LUC7L: variants seen among roughly 807,000 people sequenced by gnomAD.
LUC7L encodes putative RNA-binding protein Luc7-like 1.
A neutral mutation model predicts 51.1 loss-of-function variants in LUC7L; 29 were observed. The ratio of observed to expected loss-of-function variants is 0.57; its 90% CI spans 0.42 to 0.77. The LOEUF is 0.77. Ranked by LOEUF, LUC7L falls within the 30% of genes least tolerant of loss-of-function variation. LUC7L has a pLI of 0.00. For missense variants in LUC7L, 403 were observed against 511.9 expected (o/e 0.79, Z 2.05); for synonymous variants, 181 against 180.7 (o/e 1.00, Z -0.01).
intron 4 of LUC7L, 66 bp downstream of exon 4, chr16:208,012 A>T (rs2049532110): frequency 8.5e-7 from 1 of 1,179,346 alleles, no homozygotes; most frequent in South Asian, 1.4e-5. Flanking sequence ...CCATCTCAAA[A>T]AAAAAAGCTA....
intron 4 of LUC7L, among the ~76,000 whole-genome samples, chr16:206,941 T>C (rs1171033310): frequency 1.4e-5 from 2 of 147,864 alleles, no homozygotes; most frequent in Non-Finnish European, 3.0e-5. Flanking sequence ...GGCTCATGCC[T>C]GTAATCCCAG....
At chr16:222,386 C>T (rs1229024052) in intron 2 of LUC7L, among the ~76,000 whole-genome samples, 4 of 151,452 alleles carry the variant, frequency 2.6e-5, no homozygotes. Context: ...TCTGTAATCC[C>T]AACACCTTTG....
At chr16:212,749 C>T (rs1411016384) in intron 3 of LUC7L, among the ~76,000 whole-genome samples, 2 of 152,006 alleles carry the variant, frequency 1.3e-5, no homozygotes, top group South Asian at 2.1e-4. Context: ...ACATTCATTA[C>T]ATTTTCAACA....
At chr16:227,917 C>A in intron 1 of LUC7L, 1 of 1,003,788 alleles carries the variant, frequency 1.0e-6, no homozygotes, top group Non-Finnish European at 1.2e-6. Flanking sequence ...TTTAACAAGA[C>A]AATACCAAAA....
intron 3 of LUC7L, chr16:220,440 T>A (rs572703591): frequency 8.2e-6 from 4 of 485,850 alleles, no homozygotes; most frequent in Admixed American, 7.6e-5. Flanking sequence ...CAAAATGAGA[T>A]AACACATATT....
At chr16:217,208 C>T (rs894147589) in intron 3 of LUC7L, among the ~76,000 whole-genome samples, 20 of 151,760 alleles carry the variant, frequency 1.3e-4, no homozygotes, top group African/African-American at 4.4e-4. Context: ...GAAGAGGCAG[C>T]GTTTCACCAT....
At chr16:196,244 C>A (rs746870212) in intron 6 of LUC7L, among the ~76,000 whole-genome samples, 1 of 151,982 alleles carries the variant, frequency 6.6e-6, no homozygotes, top group Non-Finnish European at 1.5e-5. Flanking sequence ...CCCATCTCTA[C>A]TAAAAACACA....
intron 2 of LUC7L, among the ~76,000 whole-genome samples, chr16:222,392 C>T (rs898918690): frequency 6.6e-6 from 1 of 151,520 alleles, no homozygotes; most frequent in African/African-American, 2.4e-5. Flanking sequence ...ATCCCAACAC[C>T]TTTGGGAGGG....
At chr16:205,714 G>A (rs1337193898) in intron 5 of LUC7L, among the ~76,000 whole-genome samples, 4 of 152,194 alleles carry the variant, frequency 2.6e-5, no homozygotes, top group South Asian at 2.1e-4. Flanking sequence ...CTCAGCCTCC[G>A]GAGCAGCTGG....
At chr16:195,951 G>A (rs1484219181) in intron 6 of LUC7L, among the ~76,000 whole-genome samples, 3 of 152,142 alleles carry the variant, frequency 2.0e-5, no homozygotes, top group South Asian at 2.1e-4. Context: ...TCTGTAATAC[G>A]AGTTGTGTTG....
chr16:221,919 G>A (rs1392364311), intron 2 of LUC7L, among the ~76,000 whole-genome samples: 1 of 152,146 alleles, frequency 6.6e-6, no homozygotes, highest in East Asian at 1.9e-4. Context: ...GGGAATAAAG[G>A]AGAACAGGCT....
At chr16:189,678 G>A (rs1392088701) in intron 9 of LUC7L, 2 of 1,334,608 alleles carry the variant, frequency 1.5e-6, no homozygotes, top group Non-Finnish European at 1.9e-6. Context: ...GGTAAGCAGG[G>A]CCTGGTCAGG....
At chr16:206,204 G>A in intron 4 of LUC7L, 57 bp from the exon 5 acceptor site, 1 of 1,541,536 alleles carries the variant, frequency 6.5e-7, no homozygotes, top group Non-Finnish European at 8.9e-7. Context: ...GAATGCAAAG[G>A]CAACAAGGGT....
At chr16:192,425 T>C (rs531826644) in intron 7 of LUC7L, among the ~76,000 whole-genome samples, 8 of 151,912 alleles carry the variant, frequency 5.3e-5, no homozygotes, top group Non-Finnish European at 1.2e-4. Flanking sequence ...TTGGATCCCT[T>C]ACCTGACTGC....
intron 2 of LUC7L, among the ~76,000 whole-genome samples, chr16:221,413 C>T (rs995522527): frequency 1.3e-5 from 2 of 151,782 alleles, no homozygotes; most frequent in African/African-American, 2.4e-5. Flanking sequence ...GGATAGGAAA[C>T]GGCCAGGGCT....
At chr16:203,850 A>ATGGTG in intron 5 of LUC7L, among the ~76,000 whole-genome samples, 1 of 151,964 alleles carries the variant, frequency 6.6e-6, no homozygotes, top group Admixed American at 6.6e-5. Flanking sequence ...TCATATCTCT[A>ATGGTG]CTAAAAACAC....
At chr16:206,998 G>C (rs894818300) in intron 4 of LUC7L, among the ~76,000 whole-genome samples, 1 of 150,668 alleles carries the variant, frequency 6.6e-6, no homozygotes, top group Non-Finnish European at 1.5e-5. Context: ...AAGAGATCGA[G>C]ACCATCCTGG....
intron 2 of LUC7L, among the ~76,000 whole-genome samples, chr16:221,186 A>ATTTTTTTTTTTTTTTTTTTTT (rs372906826): frequency 5.9e-5 from 6 of 101,260 alleles, no homozygotes; most frequent in Non-Finnish European, 9.6e-5. Context: ...CACCCAGCTA[A>ATTTTTTTTTTTTTTTTTTTTT]TTTTTTTTTT....
intron 3 of LUC7L, among the ~76,000 whole-genome samples, chr16:216,414 GCT>G (rs2049802123): frequency 1.6e-5 from 2 of 127,866 alleles, no homozygotes; most frequent in African/African-American, 3.1e-5. Flanking sequence ...ACGGAGTCTC[GCT>G]CGGTTGTCCA....
Sources: allele counts gnomAD v4.1 joint callset (sites outside exome capture counted in the v4.1 genomes callset), GRCh38; gene constraint gnomAD v4.1.1; transcripts MANE v1.5; gene names NCBI Gene and HGNC (gene_info 2026-07-23, HGNC 2026-07-21).